Variants in NSMAF observed in about 807,000 individuals in gnomAD.
NSMAF encodes protein FAN.
NSMAF carries 90 observed loss-of-function variants against 134.9 expected under a neutral mutation model. The observed-to-expected ratio is 0.67, with a 90% confidence interval of 0.56 to 0.79. The LOEUF (loss-of-function observed/expected upper bound fraction) is 0.79, where lower values mean the gene tolerates loss of function less well. NSMAF is among the 30% of genes least tolerant of loss of function. NSMAF has a pLI of 0.00. For missense variants in NSMAF, 1,010 were observed against 1,119.0 expected, an observed-to-expected ratio of 0.90 and a Z score of 1.39; for synonymous variants, 358 against 389.6, an observed-to-expected ratio of 0.92 and a Z score of 0.96.
chr8:58,586,344 G>T, intron 28 of NSMAF, 114 bp downstream of exon 28: 1 of 1,082,388 alleles, frequency 9.2e-7, no homozygotes, highest in Non-Finnish European at 1.3e-6. Flanking sequence ...TCTTTTATCA[G>T]CAAATAGTGT....
chr8:58,594,190 C>G (rs1806080621), intron 23 of NSMAF, 42 bp downstream of exon 23: 1 of 1,567,988 alleles, frequency 6.4e-7, no homozygotes, highest in South Asian at 1.1e-5. Context: ...CTCAGACATT[C>G]TAGGATTTTG....
chr8:58,622,061 G>C (rs1361908630), intron 9 of NSMAF, among the ~76,000 whole-genome samples: 2 of 151,978 alleles, frequency 1.3e-5, no homozygotes, highest in South Asian at 2.1e-4. Flanking sequence ...TGTCCAGAAT[G>C]GTATTTCCTA....
Position 58,659,805 on chromosome 8 carries a change from C to T in NSMAF, c.-174G>A, listed in dbSNP as rs1252758570. The T allele has an allele frequency of 1.8e-5, 6 of 329,446 alleles. No homozygotes were observed. In the East Asian group the frequency reaches 2.7e-4, roughly 15 times the overall value. 20.4% of individuals were successfully genotyped at this position (329,446 alleles called of 1,614,324 possible). ...CGGCCGAGAGCCCGACGCGGCGTCC[C>T]GGCCGCGCTCACCGCAGCATCCTCG... is the stretch of plus-strand genomic sequence containing the variant. On this transcript the variant is annotated 5_prime_UTR_variant, in exon 1 of 31. Transcript: ENST00000038176.
In NSMAF at chr8:58,586,215, T is replaced by C. The variant is rs143780760; in HGVS notation, c.2447-215A>G. On this transcript the variant is annotated intron_variant, in intron 28 of 30. Coordinates refer to ENST00000038176, the MANE Select transcript of NSMAF (RefSeq NM_003580.4). ...CCCTTTGATTATGAGTTCATTTTTA[T>C]CTTAAATTAATTTCTCTAATGAGGA... 451 of 623,662 alleles carry C rather than the reference T, an allele frequency of 7.2e-4. 3 individuals are homozygous for C. In the African/African-American group the frequency reaches 7.3e-3, roughly 10 times the overall value. The allele number at this position is 623,662 out of a possible 1,614,324, so 38.6% of individuals were successfully genotyped here. A position where few individuals can be genotyped will look rare whatever the true frequency, so the allele number is the denominator to read the frequency against.
chr8:58,635,066 A>C (rs1334827886), intron 5 of NSMAF, 123 bp downstream of exon 5: 1 of 767,682 alleles, frequency 1.3e-6, no homozygotes, highest in Non-Finnish European at 2.2e-6. Flanking sequence ...CAATGACTGA[A>C]TTCTAAAAGC....
chr8:58,631,480 G>GA lies in NSMAF; in HGVS notation c.384+15dup. 1 of 1,452,566 alleles carries GA rather than the reference G, an allele frequency of 6.9e-7. No homozygotes were observed. Among genetic ancestry groups the GA allele is most frequent in the Non-Finnish European group, 9.4e-7 (1 of 1,066,702 alleles). The allele number at this position is 1,452,566 out of a possible 1,614,324, so 90.0% of individuals were successfully genotyped here. ...ACTATATAAATTGCTGGAAATACAT[G>GA]AAAAGCTTTACTTACCCTTTCTATT... On this transcript the variant is annotated intron_variant, in intron 6 of 30. Transcript: ENST00000038176.
chr8:58,620,595 G>A (rs753977006), intron 9 of NSMAF, among the ~76,000 whole-genome samples: 35 of 152,094 alleles, frequency 2.3e-4, no homozygotes, highest in Admixed American at 1.8e-3. Context: ...ATTTTAAGGT[G>A]TATGGCTGTA....
intron 1 of NSMAF, among the ~76,000 whole-genome samples, chr8:58,645,502 A>G (rs1465020534): frequency 2.0e-5 from 3 of 152,180 alleles, no homozygotes; most frequent in African/African-American, 4.8e-5. Context: ...ATCATCCCAC[A>G]GTGAAACTCA....
chr8:58,639,094 C>CT (rs1807269666), intron 2 of NSMAF, among the ~76,000 whole-genome samples: 1 of 151,996 alleles, frequency 6.6e-6, no homozygotes, highest in African/African-American at 2.4e-5. Context: ...ACCATCCTGG[C>CT]TAACACGGTG....
intron 21 of NSMAF, among the ~76,000 whole-genome samples, chr8:58,596,922 C>T (rs1405617511): frequency 1.4e-5 from 2 of 144,056 alleles, no homozygotes; most frequent in African/African-American, 2.7e-5. Context: ...CAAAGCAAGA[C>T]TCCGTCTCAA....
Position 58,587,711 on chromosome 8 carries a change from A to T in NSMAF, c.2212-10T>A. The stretch of plus-strand genomic sequence containing the variant: ...GAACACCAGACCACACCTAGGATGG[A>T]ACATATTGCAGAAGGTATTTTCAAA... On this transcript the variant is annotated splice_polypyrimidine_tract_variant and intron_variant, in intron 26 of 30. Transcript: ENST00000038176. 6.2e-7 allele frequency: 1 copy of T among 1,610,552 alleles called. No individual in the cohort carries two copies. Among genetic ancestry groups the T allele is most frequent in the Non-Finnish European group, 8.5e-7 (1 of 1,177,726 alleles).
intron 23 of NSMAF, among the ~76,000 whole-genome samples, chr8:58,591,350 TTATA>T (rs1289112344): frequency 2.0e-5 from 3 of 152,154 alleles, no homozygotes; most frequent in African/African-American, 7.2e-5. Context: ...AACTGCCCAA[TTATA>T]TATAGTTAAG....
At position 58,603,212 on chromosome 8, in the gene NSMAF, A is replaced by T. The variant is rs764841168; in HGVS notation, c.1043T>A (p.Leu348Gln). Residue 348 changes from leucine to glutamine, a missense_variant and splice_region_variant, in exon 13 of 31, where the codon CTA (leucine) becomes CAA (glutamine). Transcript: ENST00000038176. ...WIIHDYSSSE[L>Q]DLSNPGTFRD... Reference sequence around the variant, plus strand: ...AGAATTCCACGTGTGGCAGTTACCTAGTTCTGAGCTGGAATAATCATGTAT... The same window carrying T: ...AGAATTCCACGTGTGGCAGTTACCTTGTTCTGAGCTGGAATAATCATGTAT... The T allele has an allele frequency of 5.0e-6, 8 of 1,614,138 alleles. No individual in the cohort carries two copies. The South Asian group carries it at 7.7e-5, about 16-fold the overall frequency.
chr8:58,623,292 A>G lies in NSMAF; in HGVS notation c.505-20T>C. 1 of 1,582,354 alleles carries G rather than the reference A, an allele frequency of 6.3e-7. No individual in the cohort carries two copies. Among genetic ancestry groups the G allele is most frequent in the East Asian group, 2.3e-5 (1 of 44,278 alleles). On this transcript the variant is annotated intron_variant, in intron 8 of 30. Transcript: ENST00000038176. ...TGTTATCTATTAAAACAGAACCAGA[A>G]AAAAAGTATTTATAAGTATTTATAA...
intron 2 of NSMAF, among the ~76,000 whole-genome samples, chr8:58,642,432 T>C (rs182505282): frequency 3.7e-4 from 56 of 152,314 alleles, no homozygotes; most frequent in South Asian, 8.3e-4. Context: ...TAGTAGTGAG[T>C]AATAGTTATT....
chr8:58,645,694 T>C (rs928047805), intron 1 of NSMAF, among the ~76,000 whole-genome samples: 67 of 152,210 alleles, frequency 4.4e-4, no homozygotes, highest in Non-Finnish European at 1.8e-4. Flanking sequence ...CTACAATTAA[T>C]ATCCCTACAA....
chr8:58,632,126 C>T (rs1807068235), intron 5 of NSMAF, among the ~76,000 whole-genome samples: 1 of 152,146 alleles, frequency 6.6e-6, no homozygotes, highest in Non-Finnish European at 1.5e-5. Flanking sequence ...AGTCCAGCCC[C>T]TCTACTAGGG....
chr8:58,627,652 A>C (rs1310737851), intron 6 of NSMAF, among the ~76,000 whole-genome samples: 1 of 152,236 alleles, frequency 6.6e-6, no homozygotes, highest in Non-Finnish European at 1.5e-5. Flanking sequence ...GGTTATACTT[A>C]ACCAAGGAGG....
chr8:58,658,372 A>C (rs1005109841), intron 1 of NSMAF, among the ~76,000 whole-genome samples: 1 of 152,240 alleles, frequency 6.6e-6, no homozygotes, highest in African/African-American at 2.4e-5. Context: ...GCCATATCTG[A>C]GATACGTTTT....
Sources: allele counts gnomAD v4.1 joint callset (sites outside exome capture counted in the v4.1 genomes callset), GRCh38; gene constraint gnomAD v4.1.1; transcripts MANE v1.5; gene names NCBI Gene and HGNC (gene_info 2026-07-23, HGNC 2026-07-21).